Variants in SCN9A observed in about 807,000 individuals in gnomAD.
SCN9A encodes sodium voltage-gated channel alpha subunit 9, also known as sodium channel protein type 9 subunit alpha.
In SCN9A, 131 loss-of-function variants were observed where a neutral mutation model predicts 187.0. The ratio of observed to expected loss-of-function variants is 0.70; its 90% CI spans 0.61 to 0.81. The LOEUF (loss-of-function observed/expected upper bound fraction) is 0.81, where lower values mean the gene tolerates loss of function less well. Among genes scored for constraint, SCN9A ranks in the 30% least tolerant of loss-of-function variants. The pLI is 0.00. For synonymous variants in SCN9A, 809 were observed against 808.6 expected, an observed-to-expected ratio of 1.00 and a Z score of -0.01; for missense variants, 2,252 against 2,396.6, an observed-to-expected ratio of 0.94 and a Z score of 1.26.
At chr2:166,363,600 G>T (rs977547389) in intron 1 of SCN9A, among the ~76,000 whole-genome samples, 19 of 151,172 alleles carry the variant, frequency 1.3e-4, no homozygotes, top group African/African-American at 3.6e-4. Context: ...TCAGAGTAAG[G>T]CACATTCAGA....
At position 166,199,418 on chromosome 2, in the gene SCN9A, C is replaced by G; in HGVS notation, c.5221G>C (p.Val1741Leu). The G allele has an allele frequency of 6.2e-7, 1 of 1,614,170 alleles. No individual in the cohort carries two copies. The highest frequency in any genetic ancestry group is 1.1e-5 in the South Asian group (1 of 91,072). Residue 1741 changes from valine (V) to leucine (L), a missense_variant, in exon 27 of 27, where the codon GTT becomes CTT. Val to Leu is a conservative substitution (Grantham distance 32). Around this residue, in one of 7 missense-constraint regions of SCN9A, gnomAD observed 345 missense variants for 344.6 expected, o/e 1.00. Coordinates refer to ENST00000642356, the MANE Select transcript of SCN9A (RefSeq NM_001365536.1). ...GNPSVGIFYF[V>L]SYIIISFLVV... ...AGGAAGGATATGATGATATAACTAACAAAGTAGAATATTCCAACAGATGGG... is the reference window on the plus strand; with the variant it reads ...AGGAAGGATATGATGATATAACTAAGAAAGTAGAATATTCCAACAGATGGG...
chr2:166,337,854 C>G (rs1699666975), intron 1 of SCN9A, among the ~76,000 whole-genome samples: 1 of 152,032 alleles, frequency 6.6e-6, no homozygotes, highest in South Asian at 2.1e-4. Flanking sequence ...TGAGTTAATG[C>G]ATATAAACAC....
intron 1 of SCN9A, among the ~76,000 whole-genome samples, chr2:166,319,828 T>C (rs992595539): frequency 6.6e-6 from 1 of 152,030 alleles, no homozygotes; most frequent in Non-Finnish European, 1.5e-5. Flanking sequence ...GGGGGATTAG[T>C]GGTGAGGGAA....
chr2:166,276,878 T>A, intron 16 of SCN9A, 105 bp downstream of exon 16: 1 of 865,944 alleles, frequency 1.2e-6, no homozygotes, highest in Non-Finnish European at 1.6e-6. Context: ...TTGCAATTAA[T>A]AATTGTAGAT....
chr2:166,294,486 C>A (rs1698215115), intron 8 of SCN9A, 113 bp downstream of exon 8: 1 of 700,212 alleles, frequency 1.4e-6, no homozygotes, highest in East Asian at 2.8e-5. Context: ...TCAAATAATA[C>A]CATGAAATAT....
rs559511141 is a variant in SCN9A, at chr2:166,343,275, TA to T, written c.-50-31470del. On this transcript the variant is annotated intron_variant, in intron 1 of 26. Coordinates refer to ENST00000642356, the MANE Select transcript of SCN9A (RefSeq NM_001365536.1). ...AAAACAGAAGTAAAGGCTTCACATA[TA>T]AAAACCCAAAGCTTTTAGGAGACTT... Among the ~76,000 whole-genome samples, 61 of 152,250 alleles carry T rather than the reference TA, an allele frequency of 4.0e-4. 1 individual carries two copies. In the East Asian group the frequency reaches 0.011, roughly 27 times the overall value.
At chr2:166,372,336 G>C (rs536129992) in intron 1 of SCN9A, among the ~76,000 whole-genome samples, 2 of 152,094 alleles carry the variant, frequency 1.3e-5, no homozygotes, top group South Asian at 4.2e-4. Context: ...TATGGCCTCC[G>C]CCTCATCTGA....
chr2:166,334,201 A>G (rs189022051), intron 1 of SCN9A, among the ~76,000 whole-genome samples: 1 of 152,252 alleles, frequency 6.6e-6, no homozygotes, highest in East Asian at 1.9e-4. Flanking sequence ...AGTGAATTTT[A>G]AAATGTGAAA....
At chr2:166,248,791 C>A (rs1043615349) in intron 18 of SCN9A, among the ~76,000 whole-genome samples, 3 of 152,046 alleles carry the variant, frequency 2.0e-5, no homozygotes, top group African/African-American at 7.2e-5. Context: ...CTCAGCCTCA[C>A]AAGTAGCTGG....
At chr2:166,236,445 G>T (rs1156635248) in intron 20 of SCN9A, among the ~76,000 whole-genome samples, 1 of 151,938 alleles carries the variant, frequency 6.6e-6, no homozygotes, top group Non-Finnish European at 1.5e-5. Flanking sequence ...TTTTGAGATG[G>T]AGTCTCACCC....
intron 22 of SCN9A, among the ~76,000 whole-genome samples, chr2:166,228,100 A>C (rs1439817952): frequency 6.6e-6 from 1 of 152,104 alleles, no homozygotes; most frequent in Non-Finnish European, 1.5e-5. Flanking sequence ...CAGGAAGTTC[A>C]AAAACGTTCA....
At chr2:166,241,447 C>T (rs180969855) in intron 19 of SCN9A, among the ~76,000 whole-genome samples, 5 of 152,280 alleles carry the variant, frequency 3.3e-5, no homozygotes, top group Admixed American at 6.5e-5. Context: ...TTATAACACA[C>T]AAGATGCTTC....
intron 17 of SCN9A, among the ~76,000 whole-genome samples, chr2:166,267,355 T>C (rs982517823): frequency 2.6e-5 from 4 of 152,016 alleles, no homozygotes; most frequent in Non-Finnish European, 5.9e-5. Context: ...ATATAGAAAG[T>C]TTATTGTTCT....
At chr2:166,213,304 G>T (rs1186427468) in intron 24 of SCN9A, among the ~76,000 whole-genome samples, 3 of 151,326 alleles carry the variant, frequency 2.0e-5, no homozygotes, top group Non-Finnish European at 2.9e-5. Flanking sequence ...ATTTACAACT[G>T]ATTTTATGGG....
Position 166,199,664 on chromosome 2 carries a change from C to A in SCN9A, c.4975G>T (p.Ala1659Ser), listed in dbSNP as rs201371960. The part of the protein sequence containing the change: ...LLLFLVMFIY[A>S]IFGMSNFAYV... The stretch of plus-strand genomic sequence containing the variant: ...GCAAAGTTGGACATTCCAAAGATGG[C>A]GTAGATGAACATGACCAGGAAGAGC... Residue 1659 changes from alanine to serine, a missense_variant, in exon 27 of 27, where the codon GCC becomes TCC. By Grantham distance (99) the Ala-to-Ser change is moderately conservative. Coordinates refer to ENST00000642356, the MANE Select transcript of SCN9A (RefSeq NM_001365536.1). 6.2e-7 allele frequency: 1 copy of A among 1,614,082 alleles called. No individual in the cohort carries two copies. Among genetic ancestry groups the A allele is most frequent in the Non-Finnish European group, 8.5e-7 (1 of 1,180,018 alleles).
chr2:166,206,806 C>T (rs1227746516), intron 24 of SCN9A, among the ~76,000 whole-genome samples: 3 of 151,960 alleles, frequency 2.0e-5, no homozygotes, highest in South Asian at 4.2e-4. Flanking sequence ...TTTCAAGAAA[C>T]TCTTTGACTA....
At chr2:166,299,550 TC>T (rs1698466656) in intron 7 of SCN9A, among the ~76,000 whole-genome samples, 1 of 150,940 alleles carries the variant, frequency 6.6e-6, no homozygotes, top group African/African-American at 2.5e-5. Context: ...CGGCTCTTTC[TC>T]TGTGTTCTTT....
At position 166,228,833 on chromosome 2, in the gene SCN9A, T is replaced by C; in HGVS notation, c.4064A>G (p.Asp1355Gly). ...TTGACTTGCAGGAAACCGTGACCCA[T>C]CTGTGGTGTTAATACACTCATAGAA... is the stretch of plus-strand genomic sequence containing the variant. ...GKFYECINTT[D>G]GSRFPASQVP... The change falls in exon 22 of 27, where the codon GAT becomes GGT. Residue 1355 changes from aspartate to glycine, a missense_variant. Asp to Gly is a moderately conservative substitution (Grantham distance 94). Transcript: ENST00000642356. 4 of 1,613,968 alleles carry C rather than the reference T, an allele frequency of 2.5e-6. No homozygotes were observed. The highest frequency in any genetic ancestry group is 3.4e-6 in the Non-Finnish European group (4 of 1,179,866).
intron 16 of SCN9A, among the ~76,000 whole-genome samples, chr2:166,276,122 T>C (rs1222021042): frequency 6.6e-6 from 1 of 151,684 alleles, no homozygotes; most frequent in African/African-American, 2.4e-5. Context: ...CTCCTGCTTG[T>C]AAGCTTGAAA....
Sources: allele counts gnomAD v4.1 joint callset (sites outside exome capture counted in the v4.1 genomes callset), GRCh38; gene constraint gnomAD v4.1.1; regional missense constraint gnomAD v4.1.1; transcripts MANE v1.5; gene names NCBI Gene and HGNC (gene_info 2026-07-23, HGNC 2026-07-21).